Variants in CSMD1 observed in about 807,000 individuals in gnomAD.
The protein encoded by CSMD1 is CUB and sushi domain-containing protein 1.
A neutral mutation model predicts 417.5 loss-of-function variants in CSMD1; 213 were observed. The ratio of observed to expected loss-of-function variants is 0.51; its 90% CI spans 0.46 to 0.57. The LOEUF is 0.57. Ranked by LOEUF, CSMD1 falls within the 20% of genes least tolerant of loss-of-function variation. The pLI is 0.00. For synonymous variants in CSMD1, 2,862 were observed against 1,736.8 expected (o/e 1.65, Z -16.11); for missense variants, 6,923 against 4,529.7 (o/e 1.53, Z -15.17).
chr8:4,180,006 G>T (rs1584968990), intron 3 of CSMD1, among the ~76,000 whole-genome samples: 1 of 152,032 alleles, frequency 6.6e-6, no homozygotes, highest in Non-Finnish European at 1.5e-5. Flanking sequence ...CAACCATTGT[G>T]GAAGTCAGTG....
At chr8:4,046,839 T>C (rs570269075) in intron 3 of CSMD1, among the ~76,000 whole-genome samples, 1 of 152,280 alleles carries the variant, frequency 6.6e-6, no homozygotes, top group Non-Finnish European at 1.5e-5. Context: ...GCACTTCATG[T>C]ATTATTTCCC....
intron 5 of CSMD1, among the ~76,000 whole-genome samples, chr8:3,758,401 T>G (rs1797790696): frequency 6.6e-6 from 1 of 152,200 alleles, no homozygotes; most frequent in South Asian, 2.1e-4. Flanking sequence ...ATTTGACCTT[T>G]TGCGTTAAAC....
chr8:4,206,633 T>C (rs367670103), intron 3 of CSMD1, among the ~76,000 whole-genome samples: 1 of 152,214 alleles, frequency 6.6e-6, no homozygotes, highest in South Asian at 2.1e-4. Flanking sequence ...TGAACAGTGA[T>C]GCAATAAACG....
intron 4 of CSMD1, among the ~76,000 whole-genome samples, chr8:4,004,225 C>G (rs1037244991): frequency 1.3e-5 from 2 of 151,972 alleles, no homozygotes; most frequent in Non-Finnish European, 2.9e-5. Flanking sequence ...CTCCTTCAAT[C>G]TTTTGTCAAG....
At chr8:4,070,922 T>G (rs2552121) in intron 3 of CSMD1, among the ~76,000 whole-genome samples, 2 of 152,122 alleles carry the variant, frequency 1.3e-5, no homozygotes, top group Non-Finnish European at 2.9e-5. Flanking sequence ...TGATGTTGTT[T>G]TCTATGGATG....
chr8:3,752,704 A>T (rs957319702), intron 6 of CSMD1, among the ~76,000 whole-genome samples: 17 of 138,484 alleles, frequency 1.2e-4, no homozygotes, highest in African/African-American at 4.4e-4. Context: ...AAAAAAAAAA[A>T]CATATTTTGT....
chr8:3,633,442 G>C (rs148716602), intron 7 of CSMD1, among the ~76,000 whole-genome samples: 1 of 152,168 alleles, frequency 6.6e-6, no homozygotes. Context: ...GCAGGATAAT[G>C]CAAATAATAT....
Position 3,359,945 on chromosome 8 carries a change from G to T in CSMD1, c.3116-605C>A, listed in dbSNP as rs865999533. On this transcript the variant is annotated intron_variant, in intron 20 of 69. Coordinates refer to ENST00000635120, the MANE Select transcript of CSMD1 (RefSeq NM_033225.6). ...GAGATAATTCACTTCAAAACTGTCA[G>T]CTTGAGAGTGTGGAATAATTTTACT... Among the ~76,000 whole-genome samples, 29 of 152,186 alleles carry T rather than the reference G, an allele frequency of 1.9e-4. 1 individual carries two copies. Among genetic ancestry groups the T allele is most frequent in the African/African-American group, 6.8e-4 (28 of 41,444 alleles).
intron 1 of CSMD1, among the ~76,000 whole-genome samples, chr8:4,809,274 A>G (rs796173279): frequency 2.6e-5 from 4 of 152,246 alleles, no homozygotes; most frequent in Admixed American, 1.3e-4. Flanking sequence ...GGGCAATAAG[A>G]AAATCATTAA....
intron 23 of CSMD1, among the ~76,000 whole-genome samples, chr8:3,314,665 C>G (rs866630113): frequency 6.6e-6 from 1 of 152,176 alleles, no homozygotes; most frequent in Non-Finnish European, 1.5e-5. Flanking sequence ...AAAACAAGCT[C>G]CAAACATTCA....
intron 3 of CSMD1, among the ~76,000 whole-genome samples, chr8:4,136,598 C>A (rs193248344): frequency 6.6e-5 from 10 of 152,262 alleles, no homozygotes; most frequent in Admixed American, 5.9e-4. Flanking sequence ...CCAATTCCAG[C>A]CAGCAAGAGA....
intron 3 of CSMD1, among the ~76,000 whole-genome samples, chr8:4,224,512 C>A (rs1049488123): frequency 2.0e-5 from 3 of 152,144 alleles, no homozygotes; most frequent in Non-Finnish European, 2.9e-5. Flanking sequence ...CTACTAAATG[C>A]CCTCTTCGCC....
At chr8:4,821,431 T>TA (rs1392338380) in intron 1 of CSMD1, among the ~76,000 whole-genome samples, 11 of 152,126 alleles carry the variant, frequency 7.2e-5, no homozygotes, top group Admixed American at 1.3e-4. Context: ...GATAGAAAAT[T>TA]AAGGTAAAAA....
intron 5 of CSMD1, among the ~76,000 whole-genome samples, chr8:3,757,837 G>C (rs547617486): frequency 4.2e-5 from 6 of 144,362 alleles, no homozygotes; most frequent in African/African-American, 1.5e-4. Context: ...TGAAAAGAGC[G>C]AGACTTCATC....
chr8:3,301,281 G>C (rs1016440529), intron 25 of CSMD1, among the ~76,000 whole-genome samples: 17 of 152,252 alleles, frequency 1.1e-4, no homozygotes, highest in Middle Eastern at 3.4e-3. Flanking sequence ...GGTGAGTTAG[G>C]AGGGTCTACC....
At chr8:4,200,526 T>C (rs1799584758) in intron 3 of CSMD1, among the ~76,000 whole-genome samples, 1 of 152,200 alleles carries the variant, frequency 6.6e-6, no homozygotes, top group African/African-American at 2.4e-5. Flanking sequence ...TTTAGAAATG[T>C]ATATTAATAT....
At chr8:2,964,313 A>C (rs1803761092) in intron 59 of CSMD1, among the ~76,000 whole-genome samples, 1 of 152,144 alleles carries the variant, frequency 6.6e-6, no homozygotes, top group Non-Finnish European at 1.5e-5. Context: ...TCACCACTCC[A>C]CCTTCTACTG....
At chr8:3,977,766 T>C (rs112678094) in intron 5 of CSMD1, among the ~76,000 whole-genome samples, 92 of 152,352 alleles carry the variant, frequency 6.0e-4, no homozygotes, top group African/African-American at 2.1e-3. Context: ...TCTGCATGTA[T>C]GCTTAGTTAA....
At chr8:4,582,317 CTGCAGAGCCAAA>C (rs1435867917) in intron 2 of CSMD1, among the ~76,000 whole-genome samples, 1 of 152,168 alleles carries the variant, frequency 6.6e-6, no homozygotes, top group Admixed American at 6.5e-5. Flanking sequence ...ACCAAGTCTC[CTGCAGAGCCAAA>C]TTAGAAAAGC....
Sources: gnomAD v4.1 joint callset for allele counts (sites outside exome capture counted in the v4.1 genomes callset) on GRCh38, gnomAD v4.1.1 for gene constraint, MANE v1.5 for transcripts, NCBI Gene and HGNC (gene_info 2026-07-23, HGNC 2026-07-21) for gene names.